Variants in VAMP5 observed in about 807,000 individuals in gnomAD.
VAMP5 encodes vesicle-associated membrane protein 5.
A neutral mutation model predicts 8.1 loss-of-function variants in VAMP5; 10 were observed. That is an observed-to-expected ratio of 1.23 (90% confidence interval 0.76 to 2.09). VAMP5 has a LOEUF of 2.09. VAMP5 is among the 30% of genes most tolerant of loss of function. The pLI, the probability that VAMP5 is intolerant of heterozygous loss-of-function variation, is 0.00. For synonymous variants in VAMP5, 62 were observed against 60.6 expected, an observed-to-expected ratio of 1.02 and a Z score of -0.11; for missense variants, 135 against 152.5, an observed-to-expected ratio of 0.89 and a Z score of 0.60.
intron 1 of VAMP5, among the ~76,000 whole-genome samples, chr2:85,587,166 T>C (rs940194595): frequency 1.3e-5 from 2 of 152,176 alleles, no homozygotes; most frequent in African/African-American, 2.4e-5. Flanking sequence ...GAAACAATTA[T>C]GTGTACTATG....
At position 85,591,876 on chromosome 2, in the gene VAMP5, G is replaced by T. The variant is rs1672544792; in HGVS notation, c.141+14G>T. ...CTCCTGGATATGGTGTGAGGCCTGGGGGAGCATGGAGGGGAGGGGAGAGGA... is the reference window on the plus strand; with the variant it reads ...CTCCTGGATATGGTGTGAGGCCTGGTGGAGCATGGAGGGGAGGGGAGAGGA... On this transcript the variant is annotated intron_variant, in intron 2 of 2. Transcript: ENST00000306384. 1.9e-6 allele frequency: 3 copies of T among 1,613,926 alleles called. No homozygotes were observed. The highest frequency in any genetic ancestry group is 2.5e-6 in the Non-Finnish European group (3 of 1,179,970).
At chr2:85,588,026 C>T in intron 1 of VAMP5, among the ~76,000 whole-genome samples, 1 of 152,020 alleles carries the variant, frequency 6.6e-6, no homozygotes, top group Non-Finnish European at 1.5e-5. Flanking sequence ...GGTCTCACTC[C>T]TTTGCCCAGG....
At chr2:85,591,557 C>A in intron 1 of VAMP5, 168 bp from the exon 2 acceptor site, 2 of 1,025,968 alleles carry the variant, frequency 1.9e-6, no homozygotes, top group South Asian at 1.7e-5. Flanking sequence ...CCGCACTCAC[C>A]CCGAAGGCCA....
At chr2:85,589,302 C>T (rs1363363175) in intron 1 of VAMP5, among the ~76,000 whole-genome samples, 2 of 152,164 alleles carry the variant, frequency 1.3e-5, no homozygotes, top group Non-Finnish European at 2.9e-5. Context: ...TAGTCAGTGT[C>T]CTTTTTCCTC....
intron 1 of VAMP5, among the ~76,000 whole-genome samples, chr2:85,587,311 G>C (rs192717438): frequency 4.6e-5 from 7 of 151,294 alleles, no homozygotes; most frequent in African/African-American, 1.7e-4. Context: ...AGGCTGGAGT[G>C]CAGTGGCCCT....
At position 85,592,962 on chromosome 2, in the gene VAMP5, CA is replaced by C; in HGVS notation, c.158del (p.Lys53ArgfsTer33). On this transcript the variant is annotated frameshift_variant, in exon 3 of 3. Coordinates refer to ENST00000306384, the MANE Select transcript of VAMP5 (RefSeq NM_006634.3). LOFTEE classifies it high-confidence loss of function. ...GGTATCCGCAGAGCTCAACCTTCAACAAGACTACACAGAACCTGGCCCAGAA... is the reference window on the plus strand; with the variant it reads ...GGTATCCGCAGAGCTCAACCTTCAACAGACTACACAGAACCTGGCCCAGAA... The part of the protein sequence containing the change: ...QLLDMSSTFN[K>X]TTQNLAQKKC... 1 of 1,613,996 alleles carries C rather than the reference CA, an allele frequency of 6.2e-7. No homozygotes were observed. Among genetic ancestry groups the C allele is most frequent in the Non-Finnish European group, 8.5e-7 (1 of 1,180,028 alleles).
intron 2 of VAMP5, among the ~76,000 whole-genome samples, chr2:85,592,676 C>T (rs563769460): frequency 6.6e-6 from 1 of 151,992 alleles, no homozygotes; most frequent in African/African-American, 2.4e-5. Context: ...TGGTGTGCAC[C>T]TGTAGTCCCA....
At chr2:85,591,990 G>A in intron 2 of VAMP5, 128 bp downstream of exon 2, 1 of 1,392,320 alleles carries the variant, frequency 7.2e-7, no homozygotes, top group East Asian at 2.3e-5. Flanking sequence ...GGGCCTCTGG[G>A]TTTCCTCAGG....
chr2:85,584,554 GGA>G (rs1360026622), intron 1 of VAMP5, 61 bp downstream of exon 1: 4 of 1,232,412 alleles, frequency 3.2e-6, no homozygotes, highest in Non-Finnish European at 4.0e-6. Flanking sequence ...GGCGAGGGTG[GGA>G]GAGAGGAGTC....
At chr2:85,591,935 C>T (rs1573351482) in intron 2 of VAMP5, 73 bp downstream of exon 2, 2 of 1,588,474 alleles carry the variant, frequency 1.3e-6, no homozygotes, top group Non-Finnish European at 1.7e-6. Context: ...TATTCAGGAT[C>T]TCCAGTTCCT....
At chr2:85,591,532 G>T in intron 1 of VAMP5, 193 bp from the exon 2 acceptor site, 1 of 757,472 alleles carries the variant, frequency 1.3e-6, no homozygotes, top group Non-Finnish European at 2.1e-6. Context: ...AGGAGCCTGT[G>T]AGACTTAAGG....
chr2:85,584,479 G>T lies in VAMP5; in HGVS notation c.-12G>T. 8.0e-7 allele frequency: 1 copy of T among 1,243,194 alleles called. No homozygotes were observed. The highest frequency in any genetic ancestry group is 3.1e-5 in the East Asian group (1 of 31,894). 77.0% of individuals were successfully genotyped at this position (1,243,194 alleles called of 1,614,324 possible). A position where few individuals can be genotyped will look rare whatever the true frequency, so the allele number is the denominator to read the frequency against. ...GAAGCCGGGAGCGGGCGAGGCGGCG[G>T]CGGCAGCAGCGATGGTGAGGGCCCA... On this transcript the variant is annotated 5_prime_UTR_variant, in exon 1 of 3. Transcript: ENST00000306384.
intron 1 of VAMP5, 57 bp from the exon 2 acceptor site, chr2:85,591,668 G>A: frequency 6.2e-7 from 1 of 1,610,428 alleles, no homozygotes; most frequent in South Asian, 1.1e-5. Context: ...GATCTCAGGG[G>A]CAGATGAGGG....
At chr2:85,588,602 C>G (rs1672495826) in intron 1 of VAMP5, among the ~76,000 whole-genome samples, 1 of 152,166 alleles carries the variant, frequency 6.6e-6, no homozygotes, top group Admixed American at 6.5e-5. Flanking sequence ...CTGCCATTTT[C>G]TTACTTCTAT....
chr2:85,588,222 G>A (rs1672491808), intron 1 of VAMP5, among the ~76,000 whole-genome samples: 1 of 152,160 alleles, frequency 6.6e-6, no homozygotes, highest in Non-Finnish European at 1.5e-5. Flanking sequence ...GGGATTACAG[G>A]CATGAGCCAC....
At chr2:85,590,695 A>G (rs1481442678) in intron 1 of VAMP5, among the ~76,000 whole-genome samples, 1 of 152,132 alleles carries the variant, frequency 6.6e-6, no homozygotes, top group Non-Finnish European at 1.5e-5. Flanking sequence ...GGGAACAGGG[A>G]TGGGCTGTGG....
rs756986116 is a variant in VAMP5, at chr2:85,591,884, G to A, written c.141+22G>A. 5.6e-6 allele frequency: 9 copies of A among 1,613,840 alleles called. No homozygotes were observed. The South Asian group carries it at 9.9e-5, about 18-fold the overall frequency. The stretch of plus-strand genomic sequence containing the variant: ...TATGGTGTGAGGCCTGGGGGAGCAT[G>A]GAGGGGAGGGGAGAGGATTGGGAAA... On this transcript the variant is annotated intron_variant, in intron 2 of 2. Transcript: ENST00000306384.
chr2:85,584,627 C>T, intron 1 of VAMP5, 134 bp downstream of exon 1: 1 of 1,106,168 alleles, frequency 9.0e-7, no homozygotes, highest in Non-Finnish European at 1.1e-6. Flanking sequence ...AGGCGGTGAC[C>T]ACTGCTGGAG....
At position 85,586,290 on chromosome 2, in the gene VAMP5, G is replaced by T. The variant is rs1364936852; in HGVS notation, c.3+1797G>T. ...GAGCCAAAGTTTCCTATAAAACTGG[G>T]AAAAGGCCAGGCGCAGTGGCTCACA... On this transcript the variant is annotated intron_variant, in intron 1 of 2. Transcript: ENST00000306384. 2.0e-5 allele frequency among the ~76,000 whole-genome samples: 3 copies of T among 152,142 alleles called. No individual in the cohort carries two copies. In the East Asian group the frequency reaches 5.8e-4, roughly 29 times the overall value.
Sources: gnomAD v4.1 joint callset for allele counts (sites outside exome capture counted in the v4.1 genomes callset) on GRCh38, gnomAD v4.1.1 for gene constraint, MANE v1.5 for transcripts, NCBI Gene and HGNC (gene_info 2026-07-23, HGNC 2026-07-21) for gene names.